Variants in ZGRF1 observed in about 807,000 individuals in gnomAD.
The protein encoded by ZGRF1 is 5'-3' DNA helicase ZGRF1.
Under a neutral mutation model 203.5 loss-of-function variants are expected in ZGRF1, and 196 were observed. The ratio of observed to expected loss-of-function variants is 0.96; its 90% CI spans 0.86 to 1.08. The LOEUF (loss-of-function observed/expected upper bound fraction) is 1.08. ZGRF1 is among the 50% of genes least tolerant of loss of function. ZGRF1 has a pLI of 0.00. For synonymous variants in ZGRF1, 809 were observed against 841.3 expected (o/e 0.96, Z 0.66); for missense variants, 2,326 against 2,416.3 (o/e 0.96, Z 0.78).
chr4:112,564,122 C>A (rs1742546952), intron 16 of ZGRF1, among the ~76,000 whole-genome samples: 1 of 152,138 alleles, frequency 6.6e-6, no homozygotes, highest in Non-Finnish European at 1.5e-5. Context: ...ACTGCCAGGG[C>A]ATCAGCAATT....
At position 112,567,307 on chromosome 4, in the gene ZGRF1, G is replaced by T. The variant is rs114357524; in HGVS notation, c.4439-4033C>A. On this transcript the variant is annotated intron_variant, in intron 16 of 27. Transcript: ENST00000505019. ...AAAGCTCATAACGCCAGGGAAAAAT[G>T]AGTTCACAGGCCAAAATATTGAGAC... Among the ~76,000 whole-genome samples, 959 of 151,956 alleles carry T rather than the reference G, an allele frequency of 6.3e-3. 17 individuals are homozygous for T. Among genetic ancestry groups the T allele is most frequent in the African/African-American group, 0.021 (860 of 41,428 alleles).
Position 112,603,625 on chromosome 4 carries a change from G to A in ZGRF1, c.2875C>T (p.Gln959Ter). The A allele has an allele frequency of 6.2e-7, 1 of 1,613,916 alleles. No individual in the cohort carries two copies. The highest frequency in any genetic ancestry group is 8.5e-7 in the Non-Finnish European group (1 of 1,179,826). Residue 959 changes from glutamine (Q) to a stop codon, truncating the protein, a stop_gained, in exon 10 of 28, where the codon CAG (glutamine) becomes TAG (stop). Transcript: ENST00000505019. LOFTEE classifies it high-confidence loss of function. ...SGVMVRGHSS[Q>*]LGCSQFPDST... Reference sequence around the variant, plus strand: ...TCTGGAAACTGACTGCATCCTAGCTGTGAGCTGTGTCCTCTGACCATTACA... The same window carrying A: ...TCTGGAAACTGACTGCATCCTAGCTATGAGCTGTGTCCTCTGACCATTACA...
At chr4:112,559,170 C>G (rs1741477825) in intron 19 of ZGRF1, among the ~76,000 whole-genome samples, 1 of 152,126 alleles carries the variant, frequency 6.6e-6, no homozygotes, top group South Asian at 2.1e-4. Flanking sequence ...CAGATGTCAT[C>G]TAAAGATTTC....
intron 3 of ZGRF1, among the ~76,000 whole-genome samples, chr4:112,626,937 C>G (rs1344811888): frequency 6.6e-6 from 1 of 152,084 alleles, no homozygotes; most frequent in Non-Finnish European, 1.5e-5. Flanking sequence ...TCTTGAGTAG[C>G]TGGAATTACA....
rs532433749 is a variant in ZGRF1, at chr4:112,577,374, C to T, written c.4438+4289G>A. ...GCTAGGAAGAAACTGCATCAACTAA[C>T]GAGCAAAATAACCAGCTAACATCAT... is the stretch of plus-strand genomic sequence containing the variant. On this transcript the variant is annotated intron_variant, in intron 16 of 27. Transcript: ENST00000505019. Among the ~76,000 whole-genome samples the T allele has an allele frequency of 1.1e-4, 13 of 122,810 alleles. 5 individuals carry two copies. In the East Asian group the frequency reaches 1.7e-3, roughly 16 times the overall value. The allele number at this position is 122,810 out of a possible 152,430, so 80.6% of individuals were successfully genotyped here.
At chr4:112,596,675 C>T (rs569344357) in intron 10 of ZGRF1, among the ~76,000 whole-genome samples, 1 of 152,176 alleles carries the variant, frequency 6.6e-6, no homozygotes, top group African/African-American at 2.4e-5. Context: ...CTCATTGCAA[C>T]CTCTACCTCC....
At chr4:112,589,534 A>G (rs1747794687) in intron 11 of ZGRF1, 190 bp downstream of exon 11, 1 of 576,068 alleles carries the variant, frequency 1.7e-6, no homozygotes, top group Admixed American at 3.0e-5. Flanking sequence ...CTAGATAGCT[A>G]GAAGGGAATA....
At chr4:112,541,384 C>A in intron 24 of ZGRF1, 116 bp from the exon 25 acceptor site, 1 of 455,322 alleles carries the variant, frequency 2.2e-6, no homozygotes, top group Non-Finnish European at 3.9e-6. Flanking sequence ...AGATGAATTA[C>A]AACCATGATA....
At chr4:112,598,329 T>A (rs1749380907) in intron 10 of ZGRF1, among the ~76,000 whole-genome samples, 1 of 152,082 alleles carries the variant, frequency 6.6e-6, no homozygotes, top group South Asian at 2.1e-4. Context: ...CAAAAAACAC[T>A]AAGCAAATTT....
At chr4:112,547,573 A>C (rs1739071718) in intron 23 of ZGRF1, among the ~76,000 whole-genome samples, 165 bp from the exon 24 acceptor site, 1 of 152,258 alleles carries the variant, frequency 6.6e-6, no homozygotes, top group South Asian at 2.1e-4. Context: ...AAGGCTTTGA[A>C]AAGTTATGCA....
Position 112,539,586 on chromosome 4 carries a change from CT to C in ZGRF1, c.6275del (p.Lys2092ArgfsTer25). The C allele has an allele frequency of 6.6e-7, 1 of 1,526,686 alleles. No homozygotes were observed. The highest frequency in any genetic ancestry group is 8.9e-7 in the Non-Finnish European group (1 of 1,119,662). 94.6% of individuals were successfully genotyped at this position (1,526,686 alleles called of 1,614,324 possible). ...EKQVEEKQKK[K>X]SEKEKSKDKS... ...TATCTTTAGATTTCTCTTTTTCACT[CT>C]TTTTCTTCTGTTTTTCTTCCACTTG... On this transcript the variant is annotated frameshift_variant, in exon 28 of 28. Transcript: ENST00000505019. LOFTEE classifies it high-confidence loss of function.
chr4:112,577,185 A>G lies in ZGRF1; in HGVS notation c.4438+4478T>C, dbSNP rs535050689. Among the ~76,000 whole-genome samples, 57 of 122,556 alleles carry G rather than the reference A, an allele frequency of 4.7e-4. 9 individuals are homozygous for G. Among genetic ancestry groups the G allele is most frequent in the African/African-American group, 1.6e-3 (56 of 35,306 alleles). The allele number at this position is 122,556 out of a possible 152,430, so 80.4% of individuals were successfully genotyped here. A position where few individuals can be genotyped will look rare whatever the true frequency, so the allele number is the denominator to read the frequency against. Reference sequence around the variant, plus strand: ...TTCATATCCAGTCAAACTAAGCTTCATAAGTGAAGGAGAAATAAAATCCTT... The same window carrying G: ...TTCATATCCAGTCAAACTAAGCTTCGTAAGTGAAGGAGAAATAAAATCCTT... On this transcript the variant is annotated intron_variant, in intron 16 of 27. Coordinates refer to ENST00000505019, the MANE Select transcript of ZGRF1 (RefSeq NM_018392.5).
intron 6 of ZGRF1, among the ~76,000 whole-genome samples, chr4:112,615,600 C>A (rs887011956): frequency 1.3e-5 from 2 of 149,272 alleles, no homozygotes; most frequent in East Asian, 3.9e-4. Context: ...ATAACTTTAT[C>A]TACTCATATT....
intron 16 of ZGRF1, among the ~76,000 whole-genome samples, chr4:112,580,567 A>C (rs1316261037): frequency 6.6e-6 from 1 of 152,120 alleles, no homozygotes; most frequent in East Asian, 1.9e-4. Context: ...CAATGAACTC[A>C]AACAAATTTA....
chr4:112,597,526 A>G (rs1040163145), intron 10 of ZGRF1, among the ~76,000 whole-genome samples: 1 of 151,456 alleles, frequency 6.6e-6, no homozygotes, highest in Non-Finnish European at 1.5e-5. Flanking sequence ...CTTGTCTCTA[A>G]TAATAATAAT....
intron 14 of ZGRF1, among the ~76,000 whole-genome samples, chr4:112,584,495 C>A (rs1460827198): frequency 6.6e-6 from 1 of 152,134 alleles, no homozygotes; most frequent in Non-Finnish European, 1.5e-5. Context: ...TTATTTCTAT[C>A]CTTTTTTCTC....
chr4:112,615,325 T>C (rs74924333), intron 6 of ZGRF1, among the ~76,000 whole-genome samples: 2 of 152,100 alleles, frequency 1.3e-5, no homozygotes, highest in Non-Finnish European at 2.9e-5. Flanking sequence ...CCTCACGGGT[T>C]CAAGCTATTT....
chr4:112,574,932 A>C (rs1342398880), intron 16 of ZGRF1, among the ~76,000 whole-genome samples: 1 of 152,038 alleles, frequency 6.6e-6, no homozygotes, highest in Non-Finnish European at 1.5e-5. Context: ...AGACTGAGGC[A>C]GAATAATCAC....
chr4:112,563,221 C>T lies in ZGRF1; in HGVS notation c.4492G>A (p.Ala1498Thr), dbSNP rs368360316. The change falls in exon 17 of 28, where the codon GCA becomes ACA. Residue 1498 changes from alanine (A) to threonine (T), a missense_variant. Transcript: ENST00000505019. ...GATGGTCCAAAGAAAGCACTACATG[C>T]GATAAAAGTATCCAGCTCAAAGTCT... ...TLDFELDTFI[A>T]CSAFFGPSSI... The T allele has an allele frequency of 1.4e-5, 22 of 1,550,866 alleles. No individual in the cohort carries two copies. The highest frequency in any genetic ancestry group is 1.7e-4 in the Middle Eastern group (1 of 5,986).
Sources: gnomAD v4.1 joint callset for allele counts (sites outside exome capture counted in the v4.1 genomes callset) on GRCh38, gnomAD v4.1.1 for gene constraint, MANE v1.5 for transcripts, NCBI Gene and HGNC (gene_info 2026-07-23, HGNC 2026-07-21) for gene names.